KCNN2: variants seen among roughly 807,000 people sequenced by gnomAD.
KCNN2 encodes the protein potassium calcium-activated channel subfamily N member 2, also known as small conductance calcium-activated potassium channel protein 2.
In KCNN2, 24 loss-of-function variants were observed where a neutral mutation model predicts 55.5. That is an observed-to-expected ratio of 0.43 (90% CI 0.31 to 0.61). KCNN2 has a LOEUF of 0.61. Among genes scored for constraint, KCNN2 ranks in the 20% least tolerant of loss-of-function variants. The pLI is 0.08. For synonymous variants in KCNN2, 431 were observed against 336.1 expected, an observed-to-expected ratio of 1.28 and a Z score of -3.09; for missense variants, 754 against 853.6, an observed-to-expected ratio of 0.88 and a Z score of 1.45.
At chr5:114,079,804 T>C (rs1750764489) in intron 1 of KCNN2, among the ~76,000 whole-genome samples, 2 of 150,468 alleles carry the variant, frequency 1.3e-5, no homozygotes, top group Admixed American at 6.6e-5. Context: ...GGAAAATCAA[T>C]AAACAGTAGA....
intron 2 of KCNN2, among the ~76,000 whole-genome samples, chr5:114,251,406 G>C (rs1754857359): frequency 6.6e-6 from 1 of 152,140 alleles, no homozygotes; most frequent in Non-Finnish European, 1.5e-5. Flanking sequence ...TAACTTTTCT[G>C]AGTCTCAGTT....
intron 1 of KCNN2, among the ~76,000 whole-genome samples, chr5:114,067,083 C>G (rs1394581881): frequency 6.6e-6 from 1 of 152,128 alleles, no homozygotes; most frequent in Non-Finnish European, 1.5e-5. Flanking sequence ...ACAGGGAAAA[C>G]CAGTCATAAG....
chr5:114,272,583 G>A (rs1313222515), intron 2 of KCNN2, among the ~76,000 whole-genome samples: 1 of 152,006 alleles, frequency 6.6e-6, no homozygotes, highest in African/African-American at 2.4e-5. Context: ...ATAAACTCCA[G>A]CTTTTTTCAT....
intron 2 of KCNN2, among the ~76,000 whole-genome samples, chr5:114,307,668 C>A (rs1408572380): frequency 6.6e-6 from 1 of 152,128 alleles, no homozygotes; most frequent in Non-Finnish European, 1.5e-5. Context: ...TTATCTAGAC[C>A]TTTCTGGAAA....
intron 2 of KCNN2, among the ~76,000 whole-genome samples, chr5:114,335,514 T>C (rs1464272698): frequency 4.6e-5 from 7 of 152,208 alleles, no homozygotes; most frequent in Admixed American, 4.6e-4. Context: ...TCTTGCATCG[T>C]TTCTGTTGTG....
At chr5:114,472,691 A>G (rs956085298) in intron 4 of KCNN2, among the ~76,000 whole-genome samples, 2 of 152,180 alleles carry the variant, frequency 1.3e-5, no homozygotes, top group Admixed American at 6.5e-5. Flanking sequence ...CCCCATATAC[A>G]TTTATGCTAA....
At chr5:114,187,932 A>T (rs1753373128) in intron 1 of KCNN2, among the ~76,000 whole-genome samples, 1 of 151,226 alleles carries the variant, frequency 6.6e-6, no homozygotes, top group Admixed American at 6.6e-5. Context: ...CTCCTGCCTC[A>T]GCCTCCCCAG....
chr5:114,405,522 T>G (rs1015091058), intron 3 of KCNN2, among the ~76,000 whole-genome samples: 1 of 152,132 alleles, frequency 6.6e-6, no homozygotes, highest in Non-Finnish European at 1.5e-5. Context: ...ACTTTGCCAT[T>G]TAAGAAAAAT....
At chr5:114,465,900 C>CTAGACTAAGCAGATTCCCATGGAGTCAG (rs1761424598) in intron 4 of KCNN2, among the ~76,000 whole-genome samples, 2 of 152,278 alleles carry the variant, frequency 1.3e-5, no homozygotes, top group East Asian at 1.9e-4. Flanking sequence ...ATCTCTTCTT[C>CTAGACTAAGCAGATTCCCATGGAGTCAG]TAGACTAAGC....
At chr5:114,183,200 A>C (rs75576421) in intron 1 of KCNN2, among the ~76,000 whole-genome samples, 1 of 152,098 alleles carries the variant, frequency 6.6e-6, no homozygotes, top group Non-Finnish European at 1.5e-5. Flanking sequence ...TGTTACATCC[A>C]TCTGGCATTT....
intron 1 of KCNN2, among the ~76,000 whole-genome samples, chr5:114,153,552 C>T (rs78787843): frequency 0.11 from 16,843 of 152,164 alleles, 1,167 homozygotes; most frequent in South Asian, 0.24. Flanking sequence ...TTTCTTGTGT[C>T]TGTTTCCCAA....
At chr5:114,380,382 C>T (rs1262550113) in intron 2 of KCNN2, among the ~76,000 whole-genome samples, 2 of 152,318 alleles carry the variant, frequency 1.3e-5, no homozygotes, top group African/African-American at 4.8e-5. Context: ...CTGGCTCTCT[C>T]TCATTTCATG....
At chr5:114,127,531 C>T (rs759911689) in intron 1 of KCNN2, among the ~76,000 whole-genome samples, 5 of 152,270 alleles carry the variant, frequency 3.3e-5, no homozygotes, top group Middle Eastern at 3.4e-3. Context: ...GGGGAGCCCT[C>T]GGCCTGGCCT....
intron 2 of KCNN2, among the ~76,000 whole-genome samples, chr5:114,291,694 G>T (rs146989423): frequency 0.071 from 10,833 of 152,096 alleles, 1,312 homozygotes; most frequent in African/African-American, 0.25. Context: ...ATAATCCTTT[G>T]GGTATATACC....
At chr5:114,160,042 C>T (rs1327558757) in intron 1 of KCNN2, among the ~76,000 whole-genome samples, 1 of 152,088 alleles carries the variant, frequency 6.6e-6, no homozygotes, top group Non-Finnish European at 1.5e-5. Flanking sequence ...TTGCCTTCTG[C>T]TAGCTTTTGA....
intron 2 of KCNN2, among the ~76,000 whole-genome samples, chr5:114,304,043 T>C (rs1756219071): frequency 6.6e-6 from 1 of 152,194 alleles, no homozygotes; most frequent in Admixed American, 6.5e-5. Context: ...TTATTTTGAA[T>C]AAAATTACTT....
At chr5:114,313,975 C>G (rs549585980) in intron 2 of KCNN2, among the ~76,000 whole-genome samples, 157 of 152,158 alleles carry the variant, frequency 1.0e-3, no homozygotes, top group African/African-American at 3.5e-3. Context: ...CAAATAACTA[C>G]TTAATCAACT....
intron 2 of KCNN2, among the ~76,000 whole-genome samples, chr5:114,402,125 G>T (rs1385426027): frequency 6.6e-6 from 1 of 152,176 alleles, no homozygotes; most frequent in Non-Finnish European, 1.5e-5. Context: ...ACAGAATGGA[G>T]AGAAAGACAG....
intron 2 of KCNN2, among the ~76,000 whole-genome samples, chr5:114,233,597 T>C (rs1363672175): frequency 6.6e-6 from 1 of 152,180 alleles, no homozygotes; most frequent in Non-Finnish European, 1.5e-5. Flanking sequence ...CGCTTTCTTT[T>C]TCCTGAACAG....
Sources: gnomAD v4.1 joint callset for allele counts (sites outside exome capture counted in the v4.1 genomes callset) on GRCh38, gnomAD v4.1.1 for gene constraint, MANE v1.5 for transcripts, NCBI Gene and HGNC (gene_info 2026-07-23, HGNC 2026-07-21) for gene names.